Variants in LRRC20 observed in about 807,000 individuals in gnomAD.
LRRC20 encodes the protein leucine rich repeat containing 20, also known as leucine-rich repeat-containing protein 20.
A neutral mutation model predicts 14.4 loss-of-function variants in LRRC20; 11 were observed. The observed-to-expected ratio is 0.77, with a 90% CI of 0.48 to 1.27. LRRC20 has a LOEUF of 1.27. Ranked by LOEUF, LRRC20 falls within the 50% of genes most tolerant of loss-of-function variation. LRRC20 has a pLI of 0.00. For missense variants in LRRC20, 219 were observed against 251.2 expected, an observed-to-expected ratio of 0.87 and a Z score of 0.87; for synonymous variants, 121 against 107.3, an observed-to-expected ratio of 1.13 and a Z score of -0.79.
At chr10:70,342,551 A>G (rs1842955471) in intron 2 of LRRC20, among the ~76,000 whole-genome samples, 2 of 152,168 alleles carry the variant, frequency 1.3e-5, no homozygotes, top group Non-Finnish European at 2.9e-5. Context: ...GGTGTCACTC[A>G]AGTTCCCTGA....
chr10:70,312,448 C>T (rs1841704465), intron 4 of LRRC20, among the ~76,000 whole-genome samples: 1 of 152,180 alleles, frequency 6.6e-6, no homozygotes, highest in Admixed American at 6.5e-5. Context: ...GCTGAGCCTT[C>T]CCTACTGCCA....
At chr10:70,304,468 CTT>C (rs1228824221) in intron 4 of LRRC20, among the ~76,000 whole-genome samples, 1 of 52,992 alleles carries the variant, frequency 1.9e-5, no homozygotes, top group Non-Finnish European at 4.1e-5. Flanking sequence ...CAGGCCACTT[CTT>C]TATATATATA....
At chr10:70,359,743 G>T in intron 2 of LRRC20, among the ~76,000 whole-genome samples, 1 of 151,986 alleles carries the variant, frequency 6.6e-6, no homozygotes, top group African/African-American at 2.4e-5. Context: ...ATTTTTGCTG[G>T]TACTGTTCCC....
intron 4 of LRRC20, among the ~76,000 whole-genome samples, chr10:70,309,740 C>T (rs1171951696): frequency 3.9e-5 from 6 of 152,376 alleles, no homozygotes; most frequent in East Asian, 1.9e-4. Flanking sequence ...TCTGGACTCC[C>T]GTGTCTCCTC....
chr10:70,314,315 A>G (rs542336987), intron 4 of LRRC20, among the ~76,000 whole-genome samples: 1 of 152,210 alleles, frequency 6.6e-6, no homozygotes, highest in South Asian at 2.1e-4. Flanking sequence ...TCAACCCCCT[A>G]TGACTTTATC....
chr10:70,353,305 T>C (rs183033853), intron 2 of LRRC20, among the ~76,000 whole-genome samples: 1 of 152,334 alleles, frequency 6.6e-6, no homozygotes, highest in Non-Finnish European at 1.5e-5. Flanking sequence ...AATGAAATAA[T>C]AAAAAACATT....
chr10:70,380,275 G>C (rs1451685583), intron 1 of LRRC20, among the ~76,000 whole-genome samples: 1 of 152,220 alleles, frequency 6.6e-6, no homozygotes, highest in Non-Finnish European at 1.5e-5. Context: ...TTCTATGCCA[G>C]AGGATGGAGG....
At chr10:70,309,764 G>A (rs1841575484) in intron 4 of LRRC20, among the ~76,000 whole-genome samples, 2 of 152,244 alleles carry the variant, frequency 1.3e-5, no homozygotes, top group Non-Finnish European at 2.9e-5. Flanking sequence ...CCCTCACCTG[G>A]GAAGGCCAGT....
chr10:70,320,087 G>A (rs1029290835), intron 4 of LRRC20, among the ~76,000 whole-genome samples: 2 of 152,302 alleles, frequency 1.3e-5, no homozygotes, highest in East Asian at 3.9e-4. Flanking sequence ...CTTCCAGACT[G>A]AGAGCACGGG....
At chr10:70,347,578 G>A (rs115116770) in intron 2 of LRRC20, among the ~76,000 whole-genome samples, 2,925 of 152,180 alleles carry the variant, frequency 0.019, 74 homozygotes, top group African/African-American at 0.06. Flanking sequence ...CCAGCACTTT[G>A]GGAGGCCGAG....
intron 3 of LRRC20, 39 bp from the exon 4 acceptor site, chr10:70,324,069 G>A (rs1392302470): frequency 6.9e-6 from 11 of 1,602,220 alleles, no homozygotes; most frequent in Non-Finnish European, 9.4e-6. Context: ...AGGATGAGGA[G>A]GGGGCCACCC....
intron 2 of LRRC20, among the ~76,000 whole-genome samples, chr10:70,373,077 C>T (rs1211722169): frequency 1.3e-5 from 2 of 151,614 alleles, no homozygotes; most frequent in Non-Finnish European, 2.9e-5. Flanking sequence ...TGCCATGGCA[C>T]TCCAGCCTGG....
chr10:70,367,348 G>GAAAGAAAAGA (rs138809663), intron 2 of LRRC20, among the ~76,000 whole-genome samples: 5 of 137,542 alleles, frequency 3.6e-5, no homozygotes, highest in Admixed American at 7.5e-5. Context: ...AAAAAAGAAA[G>GAAAGAAAAGA]AAAAGAAAAA....
intron 4 of LRRC20, among the ~76,000 whole-genome samples, chr10:70,322,809 A>G (rs767034245): frequency 1.3e-5 from 2 of 152,016 alleles, no homozygotes; most frequent in Admixed American, 6.5e-5. Context: ...TCATCTGTCC[A>G]AGGAAAGACT....
chr10:70,357,004 T>C (rs1263154036), intron 2 of LRRC20, among the ~76,000 whole-genome samples: 3 of 152,212 alleles, frequency 2.0e-5, no homozygotes, highest in Admixed American at 6.5e-5. Context: ...ATCCATTCAA[T>C]GGAATATTAT....
At chr10:70,353,061 T>A (rs1342138105) in intron 2 of LRRC20, among the ~76,000 whole-genome samples, 1 of 152,150 alleles carries the variant, frequency 6.6e-6, no homozygotes, top group Non-Finnish European at 1.5e-5. Context: ...CAGAACTTTC[T>A]CCTGCACCGG....
intron 3 of LRRC20, among the ~76,000 whole-genome samples, chr10:70,334,204 G>A (rs1257071662): frequency 6.6e-6 from 1 of 151,248 alleles, no homozygotes; most frequent in Non-Finnish European, 1.5e-5. Flanking sequence ...CTGATCCCAT[G>A]CTACAACCAA....
chr10:70,300,968 G>C lies in LRRC20; in HGVS notation c.*386C>G. ...ACCCGCAGGGGCTCAGAAAATACCT[G>C]GCAATGCCCACCTGTGCCTGCTGAT... On this transcript the variant is annotated 3_prime_UTR_variant, in exon 5 of 5. Transcript: ENST00000446961. 1 of 1,008,170 alleles carries C rather than the reference G, an allele frequency of 9.9e-7. No individual in the cohort carries two copies. Among genetic ancestry groups the C allele is most frequent in the Non-Finnish European group, 1.2e-6 (1 of 845,578 alleles). The allele number at this position is 1,008,170 out of a possible 1,614,324, so 62.5% of individuals were successfully genotyped here.
In LRRC20 at chr10:70,345,749, C is replaced by A. The variant is rs372561989; in HGVS notation, c.83-5047G>T. ...TAACCTATCCAACAAATAATAGAAT[C>A]ATTAAAAAGAAAAGAAAGCCTTGCT... On this transcript the variant is annotated intron_variant, in intron 2 of 4. Transcript: ENST00000446961. 5.9e-5 allele frequency among the ~76,000 whole-genome samples: 9 copies of A among 152,252 alleles called. No homozygotes were observed. In the East Asian group the frequency reaches 1.7e-3, roughly 29 times the overall value.
Sources: allele counts gnomAD v4.1 joint callset (sites outside exome capture counted in the v4.1 genomes callset), GRCh38; gene constraint gnomAD v4.1.1; transcripts MANE v1.5; gene names NCBI Gene and HGNC (gene_info 2026-07-23, HGNC 2026-07-21).